NEK10: variants seen among roughly 807,000 people sequenced by gnomAD.
The protein encoded by NEK10 is NIMA related kinase 10.
NEK10 carries 122 observed loss-of-function variants against 159.8 expected under a neutral mutation model. That is an observed-to-expected ratio of 0.76 (90% CI 0.66 to 0.89). The LOEUF (loss-of-function observed/expected upper bound fraction) is 0.89. Among genes scored for constraint, NEK10 ranks in the 40% least tolerant of loss-of-function variants. The pLI, the probability that NEK10 is intolerant of heterozygous loss-of-function variation, is 0.00. For synonymous variants in NEK10, 466 were observed against 457.1 expected (o/e 1.02, Z -0.25); for missense variants, 1,342 against 1,323.1 (o/e 1.01, Z -0.22).
intron 23 of NEK10, among the ~76,000 whole-genome samples, chr3:27,225,391 A>C (rs1952529739): frequency 6.6e-6 from 1 of 152,328 alleles, no homozygotes; most frequent in South Asian, 2.1e-4. Flanking sequence ...TCAAGTTGAC[A>C]CTCAGTATTA....
intron 9 of NEK10, 179 bp from the exon 10 acceptor site, chr3:27,309,184 A>C: frequency 2.4e-6 from 1 of 413,622 alleles, no homozygotes. Flanking sequence ...GTATGTGCAT[A>C]TACAATTAAG....
At chr3:27,119,675 T>C (rs1351689667) in intron 33 of NEK10, 85 bp downstream of exon 33, 1 of 1,040,050 alleles carries the variant, frequency 9.6e-7, no homozygotes, top group African/African-American at 1.6e-5. Context: ...AAAAAAAAAT[T>C]GGAGATAATC....
chr3:27,115,964 C>T lies in NEK10; in HGVS notation c.3275G>A (p.Gly1092Asp), dbSNP rs1481011110. The T allele has an allele frequency of 3.7e-6, 6 of 1,612,788 alleles. No homozygotes were observed. In the South Asian group the frequency reaches 6.6e-5, roughly 18 times the overall value. ...CCTGTTAGATGTAAAATTGTAATAG[C>T]CACTTTCCTCAAGGACTTCTTCAAT... ...TVIEEVLEESGYYNFTSNRYH... is the reference protein window; with the variant it reads ...TVIEEVLEESDYYNFTSNRYH... The change falls in exon 35 of 36, where the codon GGC becomes GAC. Residue 1092 changes from glycine (G) to aspartate (D), a missense_variant. Gly to Asp is a moderately conservative substitution (Grantham distance 94). Coordinates refer to ENST00000691995, the MANE Select transcript of NEK10 (RefSeq NM_001394966.1).
chr3:27,339,408 CAAAAG>C (rs1424987666), intron 5 of NEK10, among the ~76,000 whole-genome samples: 1 of 152,156 alleles, frequency 6.6e-6, no homozygotes, highest in African/African-American at 2.4e-5. Flanking sequence ...AGACACTTCT[CAAAAG>C]AAGACATTTA....
At chr3:27,333,707 A>G (rs1386740843) in intron 5 of NEK10, among the ~76,000 whole-genome samples, 1 of 151,984 alleles carries the variant, frequency 6.6e-6, no homozygotes, top group Non-Finnish European at 1.5e-5. Context: ...CATGATCAAG[A>G]TGCAGGCTAC....
intron 18 of NEK10, 45 bp from the exon 19 acceptor site, chr3:27,290,799 A>C: frequency 6.9e-7 from 1 of 1,456,464 alleles, no homozygotes; most frequent in Non-Finnish European, 9.4e-7. Flanking sequence ...AACAGGGTAA[A>C]GAAGGAGAAG....
chr3:27,113,665 CATA>C (rs1193042418), intron 35 of NEK10, among the ~76,000 whole-genome samples: 1 of 151,912 alleles, frequency 6.6e-6, no homozygotes, highest in Non-Finnish European at 1.5e-5. Flanking sequence ...ATCTGTTTAT[CATA>C]ATAAGAAAAT....
At chr3:27,226,030 G>T (rs1410356034) in intron 23 of NEK10, among the ~76,000 whole-genome samples, 2 of 151,918 alleles carry the variant, frequency 1.3e-5, no homozygotes, top group East Asian at 1.9e-4. Flanking sequence ...ATAAAATACG[G>T]TTACAATATT....
Position 27,290,536 on chromosome 3 carries a change from G to A in NEK10, c.1743+81C>T, listed in dbSNP as rs552185257. 11 of 1,034,792 alleles carry A rather than the reference G, an allele frequency of 1.1e-5. No individual in the cohort carries two copies. The South Asian group carries it at 1.8e-4, about 17-fold the overall frequency. 64.1% of individuals were successfully genotyped at this position (1,034,792 alleles called of 1,614,324 possible). ...CATGGAACTAGTTCATAAGCAGCATGGACAAGAGCACCACAACTCTACTTT... is the reference window on the plus strand; with the variant it reads ...CATGGAACTAGTTCATAAGCAGCATAGACAAGAGCACCACAACTCTACTTT... On this transcript the variant is annotated intron_variant, in intron 19 of 35. Transcript: ENST00000691995.
At chr3:27,221,237 A>G (rs1248326678) in intron 23 of NEK10, among the ~76,000 whole-genome samples, 8 of 152,228 alleles carry the variant, frequency 5.3e-5, no homozygotes, top group Admixed American at 5.2e-4. Context: ...CACATAGAAG[A>G]ACACACTTAC....
intron 8 of NEK10, 102 bp downstream of exon 8, chr3:27,311,997 C>T (rs1359534115): frequency 1.3e-6 from 1 of 776,572 alleles, no homozygotes; most frequent in Non-Finnish European, 2.2e-6. Flanking sequence ...TGTGTGCGAA[C>T]ATTAATAAAT....
At chr3:27,177,949 A>G (rs1947686943) in intron 26 of NEK10, among the ~76,000 whole-genome samples, 1 of 152,148 alleles carries the variant, frequency 6.6e-6, no homozygotes, top group Non-Finnish European at 1.5e-5. Context: ...AATTACTAAG[A>G]TTTTTCAAGG....
intron 32 of NEK10, among the ~76,000 whole-genome samples, chr3:27,121,328 C>G (rs1166373739): frequency 6.6e-6 from 1 of 152,154 alleles, no homozygotes; most frequent in Non-Finnish European, 1.5e-5. Flanking sequence ...AAACAAAATA[C>G]ATAGTGTATG....
At chr3:27,250,168 C>CT (rs1955502910) in intron 23 of NEK10, among the ~76,000 whole-genome samples, 1 of 150,622 alleles carries the variant, frequency 6.6e-6, no homozygotes, top group Non-Finnish European at 1.5e-5. Flanking sequence ...TTATAATATT[C>CT]TTTGTTTTTC....
At chr3:27,227,265 G>A (rs1952735763) in intron 23 of NEK10, among the ~76,000 whole-genome samples, 1 of 152,138 alleles carries the variant, frequency 6.6e-6, no homozygotes, top group Non-Finnish European at 1.5e-5. Context: ...GAGGAGGGGT[G>A]GCCTTCACCA....
intron 29 of NEK10, among the ~76,000 whole-genome samples, chr3:27,168,945 T>G (rs372093367): frequency 6.6e-6 from 1 of 152,214 alleles, no homozygotes; most frequent in Non-Finnish European, 1.5e-5. Context: ...CAATTTGTTA[T>G]AAAGTATTTA....
At chr3:27,142,831 C>A (rs976375131) in intron 30 of NEK10, among the ~76,000 whole-genome samples, 5 of 152,154 alleles carry the variant, frequency 3.3e-5, no homozygotes, top group African/African-American at 1.2e-4. Flanking sequence ...ATACTACTTT[C>A]TTTACAGATA....
chr3:27,167,275 A>C (rs1224019069), intron 29 of NEK10, among the ~76,000 whole-genome samples: 1 of 152,350 alleles, frequency 6.6e-6, no homozygotes, highest in African/African-American at 2.4e-5. Context: ...TAACAGTCAC[A>C]GTCATTCATC....
chr3:27,133,180 C>A (rs1942808437), intron 31 of NEK10, among the ~76,000 whole-genome samples: 1 of 152,162 alleles, frequency 6.6e-6, no homozygotes, highest in African/African-American at 2.4e-5. Context: ...ACCTGAGCAG[C>A]CCGAATGGAA....
Sources: allele counts gnomAD v4.1 joint callset (sites outside exome capture counted in the v4.1 genomes callset), GRCh38; gene constraint gnomAD v4.1.1; transcripts MANE v1.5; gene names NCBI Gene and HGNC (gene_info 2026-07-23, HGNC 2026-07-21).